The following CHD1L variants were observed in gnomAD, a reference collection of about 807,000 sequenced individuals.
CHD1L encodes the protein chromodomain helicase DNA binding protein 1 like, also known as ATP-dependent chromatin remodeler CHD1L.
CHD1L carries 118 observed loss-of-function variants against 115.9 expected under a neutral mutation model. That is an observed-to-expected ratio of 1.02 (90% CI 0.88 to 1.19). The LOEUF (loss-of-function observed/expected upper bound fraction) is 1.19, where lower values mean the gene tolerates loss of function less well. Ranked by LOEUF, CHD1L falls within the 50% of genes most tolerant of loss-of-function variation. The probability of loss-of-function intolerance (pLI) is 0.00; values close to 1 mark genes in which losing one functional copy is unlikely to be tolerated. For synonymous variants in CHD1L, 411 were observed against 387.1 expected (o/e 1.06, Z -0.72); for missense variants, 1,179 against 1,065.3 (o/e 1.11, Z -1.49).
At chr1:147,275,615 G>A (rs1678096956) in intron 13 of CHD1L, 147 bp downstream of exon 13, 1 of 617,060 alleles carries the variant, frequency 1.6e-6, no homozygotes, top group Non-Finnish European at 2.9e-6. Context: ...GACTCCTAGG[G>A]TAGTATTGGG....
chr1:147,242,127 A>C (rs1664966623), upstream of CHD1L, among the ~76,000 whole-genome samples: 2 of 152,088 alleles, frequency 1.3e-5, no homozygotes, highest in Admixed American at 6.5e-5. Flanking sequence ...CCCATAATGC[A>C]CTTGAGATAC....
chr1:147,268,724 T>A (rs1674939287), intron 9 of CHD1L, 58 bp from the exon 10 acceptor site: 1 of 1,379,694 alleles, frequency 7.2e-7, no homozygotes, highest in Non-Finnish European at 1.0e-6. Flanking sequence ...GTAGCCTAGC[T>A]ACTGGCTTCT....
the CHD1L span, among the ~76,000 whole-genome samples, chr1:147,216,658 C>T: frequency 6.6e-6 from 1 of 152,110 alleles, no homozygotes; most frequent in Non-Finnish European, 1.5e-5. Flanking sequence ...ATGAGACAAG[C>T]TAAATGCCCA....
the CHD1L span, among the ~76,000 whole-genome samples, chr1:147,231,784 G>T: frequency 6.6e-6 from 1 of 152,220 alleles, no homozygotes; most frequent in South Asian, 2.1e-4. Context: ...TTGGAAAAGC[G>T]CAGTATTAGG....
chr1:147,242,477 C>A (rs971665882), upstream of CHD1L, among the ~76,000 whole-genome samples: 5 of 152,268 alleles, frequency 3.3e-5, no homozygotes. Context: ...GCTTCAGAAG[C>A]ACGACTGGTG....
upstream of CHD1L, among the ~76,000 whole-genome samples, chr1:147,241,370 A>T (rs1454109160): frequency 6.6e-6 from 1 of 152,004 alleles, no homozygotes; most frequent in East Asian, 1.9e-4. Flanking sequence ...CTGGCTCAAA[A>T]AGCTCCCCTA....
At chr1:147,188,002 G>A in the CHD1L span, among the ~76,000 whole-genome samples, 4 of 151,952 alleles carry the variant, frequency 2.6e-5, no homozygotes, top group Non-Finnish European at 5.9e-5. Context: ...CCAAGAACAG[G>A]GACAGGAAAA....
the CHD1L span, among the ~76,000 whole-genome samples, chr1:147,199,219 T>C: frequency 6.7e-6 from 1 of 149,536 alleles, no homozygotes; most frequent in East Asian, 1.9e-4. Flanking sequence ...GCAGGCTTTG[T>C]TGGGCAGACA....
intron 1 of CHD1L, among the ~76,000 whole-genome samples, chr1:147,247,687 G>A (rs587602945): frequency 6.6e-6 from 1 of 152,266 alleles, no homozygotes; most frequent in Admixed American, 6.5e-5. Context: ...TATGTTGTAT[G>A]GTCCATGGCA....
chr1:147,242,900 G>A (rs1449946649), intron 1 of CHD1L, 70 bp downstream of exon 1: 12 of 1,237,728 alleles, frequency 9.7e-6, no homozygotes, highest in Non-Finnish European at 1.2e-5. Context: ...CGGGCCGGGG[G>A]CGCAGCGGGT....
At chr1:147,242,613 G>GC, upstream of CHD1L, 6 of 1,195,368 alleles carry the variant, frequency 5.0e-6, no homozygotes, top group Non-Finnish European at 6.3e-6. Context: ...TCGTAGGTGG[G>GC]CCCCAGCGCG....
At chr1:147,250,402 TTG>T (rs1172015779) in intron 1 of CHD1L, among the ~76,000 whole-genome samples, 1 of 152,140 alleles carries the variant, frequency 6.6e-6, no homozygotes, top group Non-Finnish European at 1.5e-5. Flanking sequence ...GTCTGCTGCC[TTG>T]TTAGTGCCAG....
intron 6 of CHD1L, among the ~76,000 whole-genome samples, chr1:147,261,789 T>A (rs1183784649): frequency 3.9e-5 from 6 of 152,194 alleles, no homozygotes; most frequent in Admixed American, 3.9e-4. Flanking sequence ...AGATGAAGCT[T>A]GGGTTGCAGA....
At chr1:147,255,556 CAT>C (rs1159579884) in intron 3 of CHD1L, among the ~76,000 whole-genome samples, 2 of 151,868 alleles carry the variant, frequency 1.3e-5, no homozygotes, top group South Asian at 2.1e-4. Flanking sequence ...GGAAGTAACT[CAT>C]GTGGAAGAGA....
Position 147,287,709 on chromosome 1 carries a change from T to A in CHD1L, c.2296T>A (p.Tyr766Asn), listed in dbSNP as rs1553967171. ...GCGATCCGCTGAGCCAAGAAAAATA[T>A]ATGAGCTGGCTGGGAAAATGAAAGG... ...EKRSAEPRKI[Y>N]ELAGKMKDLS... The change falls in exon 19 of 23, where the codon TAT becomes AAT. Residue 766 changes from tyrosine to asparagine, a missense_variant. By Grantham distance (143) the Tyr-to-Asn change is moderately radical. Coordinates refer to ENST00000369258, the MANE Select transcript of CHD1L (RefSeq NM_004284.6). 8.7e-6 allele frequency: 14 copies of A among 1,613,950 alleles called. No homozygotes were observed. Among genetic ancestry groups the A allele is most frequent in the South Asian group, 1.1e-5 (1 of 91,056 alleles).
At chr1:147,250,206 C>T (rs1459851598) in intron 1 of CHD1L, among the ~76,000 whole-genome samples, 8 of 152,058 alleles carry the variant, frequency 5.3e-5, no homozygotes, top group African/African-American at 1.9e-4. Context: ...TCAGATAATT[C>T]TACCGTCTGT....
the CHD1L span, chr1:147,179,333 G>T: frequency 1.2e-6 from 2 of 1,604,810 alleles, no homozygotes; most frequent in Non-Finnish European, 1.7e-6. Flanking sequence ...CCTTGGTGTG[G>T]TCACTGTAAG....
intron 1 of CHD1L, among the ~76,000 whole-genome samples, chr1:147,250,924 C>T (rs927384813): frequency 6.6e-6 from 1 of 152,128 alleles, no homozygotes; most frequent in East Asian, 1.9e-4. Context: ...TCAGTTCCCC[C>T]ATATTATTCT....
intron 1 of CHD1L, among the ~76,000 whole-genome samples, chr1:147,247,493 C>T (rs1473535338): frequency 6.6e-6 from 1 of 152,152 alleles, no homozygotes; most frequent in Non-Finnish European, 1.5e-5. Context: ...CTGTACATGC[C>T]ACCCCCACTT....
Sources: allele counts gnomAD v4.1 joint callset (sites outside exome capture counted in the v4.1 genomes callset), GRCh38; gene constraint gnomAD v4.1.1; transcripts MANE v1.5; gene names NCBI Gene and HGNC (gene_info 2026-07-23, HGNC 2026-07-21).